BAG6: variants seen among roughly 807,000 people sequenced by gnomAD.
BAG6 encodes BAG cochaperone 6.
In BAG6, 22 loss-of-function variants were observed where a neutral mutation model predicts 121.0. The ratio of observed to expected loss-of-function variants is 0.18; its 90% confidence interval spans 0.13 to 0.26. BAG6 has a LOEUF of 0.26. BAG6 is among the 10% of genes least tolerant of loss of function. The pLI, the probability that BAG6 is intolerant of heterozygous loss-of-function variation, is 1.00. For synonymous variants in BAG6, 583 were observed against 584.6 expected (o/e 1.00, Z 0.04); for missense variants, 1,233 against 1,537.7 (o/e 0.80, Z 3.31).
rs1227284056 is a variant in BAG6 at position 31,651,825 on chromosome 6, G to A, written c.-13-49C>T. ...GGCCCGCTGTTGCCCAGACCAGAGTGTACCCGAAAGACTCCCTAGCATTAA... is the reference window on the plus strand; with the variant it reads ...GGCCCGCTGTTGCCCAGACCAGAGTATACCCGAAAGACTCCCTAGCATTAA... On this transcript the variant is annotated intron_variant, in intron 1 of 25. Coordinates refer to ENST00000676615, the MANE Select transcript of BAG6 (RefSeq NM_001387994.1). The A allele has an allele frequency of 9.3e-6, 13 of 1,393,444 alleles. No individual in the cohort carries two copies. In the African/African-American group the frequency reaches 9.9e-5, roughly 11 times the overall value. 86.3% of individuals were successfully genotyped at this position (1,393,444 alleles called of 1,614,324 possible).
chr6:31,646,260 A>G, intron 8 of BAG6, 134 bp downstream of exon 8: 1 of 1,345,530 alleles, frequency 7.4e-7, no homozygotes, highest in Non-Finnish European at 1.0e-6. Flanking sequence ...TGCTGGGATT[A>G]CAGGCGTGAG....
rs142878083 is a variant in BAG6, at chr6:31,641,339, C to T, written c.2643G>A (p.Ala881=). 4.6e-4 allele frequency: 736 copies of T among 1,614,210 alleles called. 2 individuals carry two copies. Among genetic ancestry groups the T allele is most frequent in the Admixed American group, 1.8e-3 (107 of 60,030 alleles). Residue 881 remains alanine, a synonymous_variant, in exon 19 of 26, where the codon GCG becomes GCA. Coordinates refer to ENST00000676615, the MANE Select transcript of BAG6 (RefSeq NM_001387994.1). The surrounding 1 kb of genome is among the most constrained non-coding windows in gnomAD (Gnocchi z 5.7). ...CCTGACCTGTGCAATGCAGCACATGCGCAGCAATGCTATTAAACTGCTCTT... is the reference window on the plus strand; with the variant it reads ...CCTGACCTGTGCAATGCAGCACATGTGCAGCAATGCTATTAAACTGCTCTT... The part of the protein sequence containing the change: ...FLQEQFNSIA[A]HVLHCTDSGF...
chr6:31,642,804 G>C, intron 15 of BAG6, 25 bp downstream of exon 15: 1 of 1,606,308 alleles, frequency 6.2e-7, no homozygotes, highest in Non-Finnish European at 8.5e-7. Context: ...AGGAAGATGA[G>C]GTGAATGGCA....
rs897726591 is a variant in BAG6 at position 31,645,549 on chromosome 6, C to T, written c.974G>A (p.Arg325Gln). Reference protein sequence around the residue: ...RLINLVGESLRLLGNTFVALS... With the variant: ...RLINLVGESLQLLGNTFVALS... ...TGCAACAAAGGTGTTGCCCAGCAGT[C>T]GCAGGCTCTCCCCTACCAAGTTGAT... The change falls in exon 9 of 26, where the codon CGA (arginine) becomes CAA (glutamine). Residue 325 changes from arginine to glutamine, a missense_variant. Around this residue, in one of 7 missense-constraint regions of BAG6, gnomAD observed 777 missense variants for 861.4 expected, o/e 0.90. Transcript: ENST00000676615. 2 of 1,613,138 alleles carry T rather than the reference C, an allele frequency of 1.2e-6. No homozygotes were observed. The highest frequency in any genetic ancestry group is 1.7e-6 in the Non-Finnish European group (2 of 1,180,038).
intron 6 of BAG6, among the ~76,000 whole-genome samples, chr6:31,648,191 C>T (rs1430540989): frequency 6.6e-6 from 1 of 151,772 alleles, no homozygotes; most frequent in Non-Finnish European, 1.5e-5. Flanking sequence ...AATTTTTGTA[C>T]TTGTAGTAGA....
In BAG6 at chr6:31,644,320, G is replaced by A. The variant is rs755573367; in HGVS notation, c.1542C>T (p.Ala514=). The change falls in exon 12 of 26, where the codon GCC becomes GCT. Residue 514 remains alanine (A), a synonymous_variant. Coordinates refer to ENST00000676615, the MANE Select transcript of BAG6 (RefSeq NM_001387994.1). This position sits in a 1 kb window ranked among gnomAD's most constrained non-coding sequence, Gnocchi z 4.9. ...ITHQAMVAAV[A]SAAAGQQVPG... Reference sequence around the variant, plus strand: ...CCAGGTCATTACCTGCGGCCGCGGAGGCAACAGCTGCCACCATGGCCTGAT... The same window carrying A: ...CCAGGTCATTACCTGCGGCCGCGGAAGCAACAGCTGCCACCATGGCCTGAT... The A allele has an allele frequency of 4.0e-5, 62 of 1,551,682 alleles. No individual in the cohort carries two copies. The highest frequency in any genetic ancestry group is 5.3e-5 in the Non-Finnish European group (61 of 1,147,178).
intron 6 of BAG6, among the ~76,000 whole-genome samples, chr6:31,648,311 C>A (rs1459582958): frequency 6.6e-6 from 1 of 152,146 alleles, no homozygotes; most frequent in Non-Finnish European, 1.5e-5. Flanking sequence ...CCACCACACC[C>A]GGCCACAGCA....
intron 7 of BAG6, among the ~76,000 whole-genome samples, chr6:31,646,766 G>GTTTTTTTTTTTT (rs66820473): frequency 1.2e-4 from 7 of 60,646 alleles, no homozygotes; most frequent in East Asian, 5.1e-4. Context: ...GCTAATTTTT[G>GTTTTTTTTTTTT]TTTTTTTTTT....
chr6:31,640,279 T>C lies in BAG6; in HGVS notation c.3166A>G (p.Ile1056Val). The change falls in exon 24 of 26, where the codon ATT (isoleucine) becomes GTT (valine). Residue 1056 changes from isoleucine (I) to valine (V), a missense_variant. Physicochemically the swap from Ile to Val is conservative, Grantham distance 29 (BLOSUM62 3). Transcript: ENST00000676615. The surrounding 1 kb of genome is among the most constrained non-coding windows in gnomAD (Gnocchi z 4.2). ...PEWVPIIQQD[I>V]QSQRKVKPQP... ...GGTTTCACCTTCCGCTGGCTCTGAATGTCCTGCTGGATAATAGGGACCCAT... is the reference window on the plus strand; with the variant it reads ...GGTTTCACCTTCCGCTGGCTCTGAACGTCCTGCTGGATAATAGGGACCCAT... 6.2e-7 allele frequency: 1 copy of C among 1,614,214 alleles called. No homozygotes were observed. Among genetic ancestry groups the C allele is most frequent in the South Asian group, 1.1e-5 (1 of 91,084 alleles).
chr6:31,642,207 C>T lies in BAG6; in HGVS notation c.2240G>A (p.Gly747Glu), dbSNP rs758970230. The T allele has an allele frequency of 1.9e-6, 3 of 1,612,906 alleles. No individual in the cohort carries two copies. Among genetic ancestry groups the T allele is most frequent in the Non-Finnish European group, 2.5e-6 (3 of 1,179,988 alleles). Reference protein sequence around the residue: ...GVLSSLLGSLGARAGSSESIA... With the variant: ...GVLSSLLGSLEARAGSSESIA... ...ACTTTCACTGCTGCCAGCCCGAGCC[C>T]CCAGGGAGCCCAGCAGGGAGCTGAG... Residue 747 changes from glycine (G) to glutamate (E), a missense_variant, in exon 16 of 26, where the codon GGG becomes GAG. Physicochemically the swap from Gly to Glu is moderately conservative, Grantham distance 98. Around this residue, in one of 7 missense-constraint regions of BAG6, gnomAD observed 288 missense variants for 483.1 expected, o/e 0.60. Transcript: ENST00000676615.
Position 31,643,132 on chromosome 6 carries a change from A to G in BAG6, c.1757-17T>C. On this transcript the variant is annotated splice_polypyrimidine_tract_variant and intron_variant, in intron 14 of 25. Coordinates refer to ENST00000676615, the MANE Select transcript of BAG6 (RefSeq NM_001387994.1). ...TCCCCTGAGCTGTAAGAAACCAAAAAAAGAAAGCTGGGCTGAGCATGGTGG... is the reference window on the plus strand; with the variant it reads ...TCCCCTGAGCTGTAAGAAACCAAAAGAAGAAAGCTGGGCTGAGCATGGTGG... The G allele has an allele frequency of 6.5e-7, 1 of 1,543,312 alleles. No homozygotes were observed. The highest frequency in any genetic ancestry group is 1.2e-5 in the South Asian group (1 of 83,380).
Position 31,642,978 on chromosome 6 carries a change from T to C in BAG6, c.1894A>G (p.Met632Val), listed in dbSNP as rs558020434. 1.1e-5 allele frequency: 18 copies of C among 1,600,360 alleles called. No homozygotes were observed. Among genetic ancestry groups the C allele is most frequent in the Non-Finnish European group, 1.4e-5 (17 of 1,174,246 alleles). ...AGCTGAGAGAACTGAAGATCAGCCATGGAGGGTTGAGGGGTGGGTGGAGGC... is the reference window on the plus strand; with the variant it reads ...AGCTGAGAGAACTGAAGATCAGCCACGGAGGGTTGAGGGGTGGGTGGAGGC... ...AQPPPTPQPS[M>V]ADLQFSQLLG... Residue 632 changes from methionine (M) to valine (V), a missense_variant, in exon 15 of 26, where the codon ATG becomes GTG. Coordinates refer to ENST00000676615, the MANE Select transcript of BAG6 (RefSeq NM_001387994.1).
rs1033581079 is a variant in BAG6 at position 31,640,453 on chromosome 6, C to T, written c.3070G>A (p.Gly1024Arg). ...MSRGPPPAPE[G>R]GSRDEQDGAS... ...CCATCCTGTTCATCCCGGGAGCCCCCCTCAGGAGCAGGAGGTGGACCTCGG... is the reference window on the plus strand; with the variant it reads ...CCATCCTGTTCATCCCGGGAGCCCCTCTCAGGAGCAGGAGGTGGACCTCGG... The change falls in exon 23 of 26, where the codon GGG becomes AGG. Residue 1024 changes from glycine (G) to arginine (R), a missense_variant. By Grantham distance (125) the Gly-to-Arg change is moderately radical (BLOSUM62 -2). Transcript: ENST00000676615. The surrounding 1 kb of genome is among the most constrained non-coding windows in gnomAD (Gnocchi z 4.2). 2 of 1,613,582 alleles carry T rather than the reference C, an allele frequency of 1.2e-6. No homozygotes were observed. Among genetic ancestry groups the T allele is most frequent in the South Asian group, 1.1e-5 (1 of 91,088 alleles).
Position 31,641,469 on chromosome 6 carries a change from A to T in BAG6, c.2560-47T>A. ...AGATCCCAAAATCAAGAATCATAAGACTGGGAGTGGAGGAGGCAGCTGCCT... is the reference window on the plus strand; with the variant it reads ...AGATCCCAAAATCAAGAATCATAAGTCTGGGAGTGGAGGAGGCAGCTGCCT... On this transcript the variant is annotated intron_variant, in intron 18 of 25. Coordinates refer to ENST00000676615, the MANE Select transcript of BAG6 (RefSeq NM_001387994.1). The surrounding 1 kb of genome is among the most constrained non-coding windows in gnomAD (Gnocchi z 5.7). The T allele has an allele frequency of 6.2e-7, 1 of 1,613,934 alleles. No homozygotes were observed. Among genetic ancestry groups the T allele is most frequent in the African/African-American group, 1.3e-5 (1 of 75,044 alleles).
rs560139238 is a variant in BAG6 at position 31,639,218 on chromosome 6, A to G, written c.3402T>C (p.Ser1134=). 5.0e-6 allele frequency: 8 copies of G among 1,613,456 alleles called. No individual in the cohort carries two copies. The African/African-American group carries it at 5.3e-5, about 11-fold the overall frequency. Residue 1134 remains serine, a synonymous_variant, in exon 26 of 26, where the codon TCT becomes TCC. Coordinates refer to ENST00000676615, the MANE Select transcript of BAG6 (RefSeq NM_001387994.1). ...VQESYRQQLR[S]DIQKRLQEDP... ...CTTCCTGCAGTCGTTTTTGTATATC[A>G]GACCGGAGCTAAAGAGAAAAAGTAA...
At position 31,643,972 on chromosome 6, in the gene BAG6, G is replaced by A. The variant is rs1435864313; in HGVS notation, c.1674C>T (p.Gly558=). 2.5e-6 allele frequency: 4 copies of A among 1,614,040 alleles called. No homozygotes were observed. Among genetic ancestry groups the A allele is most frequent in the East Asian group, 2.2e-5 (1 of 44,886 alleles). Residue 558 remains glycine (G), a synonymous_variant, in exon 14 of 26, where the codon GGC becomes GGT. Coordinates refer to ENST00000676615, the MANE Select transcript of BAG6 (RefSeq NM_001387994.1). ...ACGAGGCATTGGTACCCAGACCGGC[G>A]CCCTGCTGGATAGAGAGCAAGGGAG... The part of the protein sequence containing the change: ...GGPPVSGTLQ[G]AGLGTNASLA...
intron 14 of BAG6, 98 bp from the exon 15 acceptor site, chr6:31,643,213 C>T (rs1784692833): frequency 1.6e-6 from 2 of 1,277,114 alleles, no homozygotes; most frequent in East Asian, 2.5e-5. Flanking sequence ...ACTGCTTGAG[C>T]CCAGGAGTCT....
chr6:31,649,279 G>T lies in BAG6; in HGVS notation c.343C>A (p.Pro115Thr), dbSNP rs762152993. 4 of 1,613,138 alleles carry T rather than the reference G, an allele frequency of 2.5e-6. No individual in the cohort carries two copies. The highest frequency in any genetic ancestry group is 1.7e-5 in the Admixed American group (1 of 60,022). ...ASATHGGGSP[P>T]GTRGPGASVH... ...GAGGCCCCAGGCCCCCGAGTACCAG[G>T]GGGGGATCCCCCACCATGAGTGGCT... The change falls in exon 4 of 26, where the codon CCT becomes ACT. Residue 115 changes from proline to threonine, a missense_variant. Transcript: ENST00000676615.
chr6:31,644,049 G>A lies in BAG6; in HGVS notation c.1668+33C>T, dbSNP rs1460845366. 4.3e-6 allele frequency: 7 copies of A among 1,612,614 alleles called. No homozygotes were observed. The highest frequency in any genetic ancestry group is 5.9e-6 in the Non-Finnish European group (7 of 1,179,018). ...CACCACAGGAGTCTCTCCCTAGACT[G>A]TTACGCACTAGAACTCCCCGACCCT... On this transcript the variant is annotated intron_variant, in intron 13 of 25. Coordinates refer to ENST00000676615, the MANE Select transcript of BAG6 (RefSeq NM_001387994.1). The surrounding 1 kb of genome is among the most constrained non-coding windows in gnomAD (Gnocchi z 4.9).
Sources: allele counts gnomAD v4.1 joint callset (sites outside exome capture counted in the v4.1 genomes callset), GRCh38; gene constraint gnomAD v4.1.1; regional missense constraint gnomAD v4.1.1; non-coding constraint Gnocchi (gnomAD v3.1); transcripts MANE v1.5; gene names NCBI Gene and HGNC (gene_info 2026-07-23, HGNC 2026-07-21).